The following HHAT variants were observed in gnomAD, a reference collection of about 807,000 sequenced individuals.
The protein encoded by HHAT is protein-cysteine N-palmitoyltransferase HHAT.
Under a neutral mutation model 70.8 loss-of-function variants are expected in HHAT, and 47 were observed. The ratio of observed to expected loss-of-function variants is 0.66; its 90% CI spans 0.53 to 0.85. The LOEUF (loss-of-function observed/expected upper bound fraction) is 0.85, where lower values mean the gene tolerates loss of function less well. Among genes scored for constraint, HHAT ranks in the 40% least tolerant of loss-of-function variants. The pLI is 0.00. For synonymous variants in HHAT, 228 were observed against 247.6 expected, an observed-to-expected ratio of 0.92 and a Z score of 0.74; for missense variants, 609 against 604.8, an observed-to-expected ratio of 1.01 and a Z score of -0.07.
At chr1:210,410,153 C>T (rs887696627) in intron 6 of HHAT, among the ~76,000 whole-genome samples, 2 of 151,188 alleles carry the variant, frequency 1.3e-5, no homozygotes, top group African/African-American at 4.9e-5. Flanking sequence ...CCCGGGTTCA[C>T]GTCATTCTCC....
intron 9 of HHAT, among the ~76,000 whole-genome samples, chr1:210,572,066 G>A (rs908935045): frequency 3.9e-5 from 6 of 152,154 alleles, no homozygotes; most frequent in African/African-American, 1.4e-4. Context: ...CTTTGTTTCC[G>A]TAAATGTTAC....
At chr1:210,497,978 A>T (rs2094682945) in intron 8 of HHAT, among the ~76,000 whole-genome samples, 1 of 151,642 alleles carries the variant, frequency 6.6e-6, no homozygotes, top group African/African-American at 2.4e-5. Context: ...GATGGTCTCG[A>T]TCTCTTGACC....
chr1:210,329,729 G>A (rs653935), intron 1 of HHAT, among the ~76,000 whole-genome samples: 2,053 of 152,252 alleles, frequency 0.013, 41 homozygotes, highest in African/African-American at 0.045. Flanking sequence ...GTGAGACATT[G>A]CTTCTCTTTC....
chr1:210,353,525 T>C (rs1351757576), intron 2 of HHAT, among the ~76,000 whole-genome samples: 1 of 151,972 alleles, frequency 6.6e-6, no homozygotes, highest in Non-Finnish European at 1.5e-5. Flanking sequence ...TATTTAAATG[T>C]TTTATTTCTT....
intron 5 of HHAT, 62 bp from the exon 6 acceptor site, chr1:210,404,402 G>T: frequency 5.3e-6 from 7 of 1,327,678 alleles, no homozygotes; most frequent in Non-Finnish European, 7.5e-6. Flanking sequence ...AGCACCTGCA[G>T]TGGGACTGGA....
At chr1:210,339,352 C>T (rs1023021101) in intron 1 of HHAT, among the ~76,000 whole-genome samples, 4 of 152,134 alleles carry the variant, frequency 2.6e-5, no homozygotes, top group African/African-American at 9.7e-5. Flanking sequence ...TTATAATATA[C>T]CTGGTGTGCT....
chr1:210,392,291 C>T (rs527703624), intron 4 of HHAT, among the ~76,000 whole-genome samples: 3 of 152,266 alleles, frequency 2.0e-5, no homozygotes, highest in African/African-American at 7.2e-5. Context: ...CTGGGCCATA[C>T]ACATCAGGAC....
chr1:210,393,843 G>T (rs1168761013), intron 4 of HHAT, among the ~76,000 whole-genome samples: 1 of 152,136 alleles, frequency 6.6e-6, no homozygotes, highest in Admixed American at 6.5e-5. Context: ...GCCTGTGGCT[G>T]GGGCACAGTG....
chr1:210,535,218 C>G (rs543710791), intron 9 of HHAT, among the ~76,000 whole-genome samples: 11 of 152,264 alleles, frequency 7.2e-5, no homozygotes, highest in African/African-American at 2.4e-4. Flanking sequence ...TTCAACCTGG[C>G]CATGTGAACA....
chr1:210,631,139 C>CT (rs1462132565), intron 11 of HHAT: 2 of 456,150 alleles, frequency 4.4e-6, no homozygotes, highest in Non-Finnish European at 8.8e-6. Flanking sequence ...GTATAGAAAA[C>CT]ACCTCCGAAT....
intron 10 of HHAT, among the ~76,000 whole-genome samples, chr1:210,619,196 C>T (rs760201441): frequency 1.7e-4 from 26 of 152,130 alleles, no homozygotes; most frequent in Non-Finnish European, 3.4e-4. Flanking sequence ...CCCGACCCAC[C>T]CCCTGTCATG....
At chr1:210,351,190 G>A (rs2086986763) in intron 2 of HHAT, among the ~76,000 whole-genome samples, 1 of 152,174 alleles carries the variant, frequency 6.6e-6, no homozygotes, top group Admixed American at 6.5e-5. Context: ...CTGAGGGCAG[G>A]AGAGGATGAG....
chr1:210,640,447 A>T (rs1018807806), intron 11 of HHAT, among the ~76,000 whole-genome samples: 1 of 152,184 alleles, frequency 6.6e-6, no homozygotes, highest in Non-Finnish European at 1.5e-5. Flanking sequence ...TTCTCTGACC[A>T]CAGAATACTG....
chr1:210,393,928 C>T (rs2091613125), intron 4 of HHAT, among the ~76,000 whole-genome samples: 1 of 152,170 alleles, frequency 6.6e-6, no homozygotes, highest in Non-Finnish European at 1.5e-5. Flanking sequence ...TCTCTGCTTT[C>T]ACCACCTGGA....
At chr1:210,481,099 AATGCTATGGCAAAAATAGAGCAGG>A (rs2094389427) in intron 8 of HHAT, among the ~76,000 whole-genome samples, 1 of 151,784 alleles carries the variant, frequency 6.6e-6, no homozygotes. Context: ...ATGTGTGATA[AATGCTATGGCAAAAATAGAGCAGG>A]ATGAGGAGGG....
At chr1:210,652,856 A>G (rs1290735906) in intron 11 of HHAT, among the ~76,000 whole-genome samples, 1 of 152,218 alleles carries the variant, frequency 6.6e-6, no homozygotes, top group Non-Finnish European at 1.5e-5. Context: ...CAAAAATTTT[A>G]CCTCATAGAT....
intron 9 of HHAT, among the ~76,000 whole-genome samples, chr1:210,538,459 C>A (rs2095396826): frequency 6.6e-6 from 1 of 151,812 alleles, no homozygotes; most frequent in African/African-American, 2.4e-5. Context: ...AGTAATAAGC[C>A]TTAAATAGAG....
chr1:210,562,610 G>A (rs2095633486), intron 9 of HHAT, among the ~76,000 whole-genome samples: 1 of 151,838 alleles, frequency 6.6e-6, no homozygotes, highest in Admixed American at 6.6e-5. Flanking sequence ...TGTGTTCAAT[G>A]TCTTGGTTAA....
intron 2 of HHAT, among the ~76,000 whole-genome samples, chr1:210,356,199 C>T (rs1287576710): frequency 6.6e-6 from 1 of 152,024 alleles, no homozygotes; most frequent in Non-Finnish European, 1.5e-5. Context: ...AGGCATGAGC[C>T]ACTATGCCTG....
Sources: allele counts gnomAD v4.1 joint callset (sites outside exome capture counted in the v4.1 genomes callset), GRCh38; gene constraint gnomAD v4.1.1; transcripts MANE v1.5; gene names NCBI Gene and HGNC (gene_info 2026-07-23, HGNC 2026-07-21).